GMDS: variants seen among roughly 807,000 people sequenced by gnomAD.
GMDS encodes the protein GDP-mannose 4,6-dehydratase.
In GMDS, 20 loss-of-function variants were observed where a neutral mutation model predicts 49.9. That is an observed-to-expected ratio of 0.40 (90% CI 0.28 to 0.58). The LOEUF (loss-of-function observed/expected upper bound fraction) is 0.58, where lower values mean the gene tolerates loss of function less well. Among genes scored for constraint, GMDS ranks in the 20% least tolerant of loss-of-function variants. The pLI is 0.42. For synonymous variants in GMDS, 177 were observed against 178.6 expected (o/e 0.99, Z 0.07); for missense variants, 362 against 481.4 (o/e 0.75, Z 2.32).
chr6:2,051,095 C>T (rs1183562832), intron 4 of GMDS, among the ~76,000 whole-genome samples: 1 of 152,066 alleles, frequency 6.6e-6, no homozygotes, highest in Admixed American at 6.6e-5. Flanking sequence ...TACCCTAGAA[C>T]TTAAAATACA....
chr6:1,889,406 A>G (rs1020708039), intron 7 of GMDS, among the ~76,000 whole-genome samples: 13 of 152,026 alleles, frequency 8.6e-5, no homozygotes, highest in Non-Finnish European at 7.4e-5. Context: ...TTGGTCCTTA[A>G]AAAAAGAGCC....
chr6:2,222,371 T>G (rs141482470), intron 1 of GMDS, among the ~76,000 whole-genome samples: 154 of 152,364 alleles, frequency 1.0e-3, no homozygotes, highest in African/African-American at 3.4e-3. Context: ...CCAAAACCTC[T>G]GCTTTCTCCC....
At position 1,741,927 on chromosome 6, in the gene GMDS, C is replaced by CT. The variant is rs111296284; in HGVS notation, c.890+540dup. On this transcript the variant is annotated intron_variant, in intron 8 of 10. Transcript: ENST00000380815. Reference sequence around the variant, plus strand: ...AATAAATGAAAGTAAAAACATCTTTCTTTTTTTTTTTTGAGATGGAGTCTT... The same window carrying CT: ...AATAAATGAAAGTAAAAACATCTTTCTTTTTTTTTTTTTGAGATGGAGTCTT... Among the ~76,000 whole-genome samples, 100 of 143,030 alleles carry CT rather than the reference C, an allele frequency of 7.0e-4. 2 individuals carry two copies. Among genetic ancestry groups the CT allele is most frequent in the African/African-American group, 1.6e-3 (63 of 39,020 alleles). The allele number at this position is 143,030 out of a possible 152,430, so 93.8% of individuals were successfully genotyped here. A position where few individuals can be genotyped will look rare whatever the true frequency, so the allele number is the denominator to read the frequency against.
At chr6:1,686,522 T>C (rs547963036) in intron 9 of GMDS, among the ~76,000 whole-genome samples, 5 of 152,372 alleles carry the variant, frequency 3.3e-5, no homozygotes, top group African/African-American at 1.2e-4. Context: ...CGCATCTTTC[T>C]CTGTGTCCAC....
intron 5 of GMDS, among the ~76,000 whole-genome samples, chr6:1,960,274 T>TG (rs1399470886): frequency 6.6e-6 from 1 of 152,166 alleles, no homozygotes; most frequent in Non-Finnish European, 1.5e-5. Flanking sequence ...GGAATTAGAA[T>TG]GGAAAAAAAT....
At chr6:1,762,360 C>G (rs934372951) in intron 7 of GMDS, among the ~76,000 whole-genome samples, 1 of 152,234 alleles carries the variant, frequency 6.6e-6, no homozygotes, top group South Asian at 2.1e-4. Context: ...GGGTTACTCA[C>G]GACGAAACTT....
At chr6:2,164,981 G>C (rs1330813222) in intron 1 of GMDS, among the ~76,000 whole-genome samples, 2 of 152,158 alleles carry the variant, frequency 1.3e-5, no homozygotes, top group Admixed American at 6.5e-5. Context: ...TTAAGTGGTT[G>C]GTTAGGAGTA....
chr6:1,903,483 A>C (rs1160054014), intron 7 of GMDS, among the ~76,000 whole-genome samples: 3 of 152,040 alleles, frequency 2.0e-5, no homozygotes, highest in Non-Finnish European at 2.9e-5. Flanking sequence ...CTTTCTGTGA[A>C]TAAAAATATC....
chr6:2,076,373 T>C (rs1385105593), intron 4 of GMDS, among the ~76,000 whole-genome samples: 2 of 151,746 alleles, frequency 1.3e-5, no homozygotes, highest in Admixed American at 6.6e-5. Context: ...CCCATCAAGC[T>C]ACCAATGACT....
At chr6:1,821,864 A>G (rs1289208894) in intron 7 of GMDS, among the ~76,000 whole-genome samples, 1 of 151,944 alleles carries the variant, frequency 6.6e-6, no homozygotes, top group Non-Finnish European at 1.5e-5. Flanking sequence ...AGGGGACGCC[A>G]ATTCTGCATG....
chr6:2,162,422 T>C (rs147834375), intron 1 of GMDS, among the ~76,000 whole-genome samples: 180 of 152,208 alleles, frequency 1.2e-3, no homozygotes, highest in African/African-American at 2.5e-3. Context: ...AATCAAATAA[T>C]AGACATCTGT....
At chr6:2,193,533 T>C (rs1300103058) in intron 1 of GMDS, among the ~76,000 whole-genome samples, 1 of 152,186 alleles carries the variant, frequency 6.6e-6, no homozygotes, top group African/African-American at 2.4e-5. Context: ...ATGCAAGTTC[T>C]CCTGGCAAAC....
chr6:2,147,865 C>T (rs574765552), intron 1 of GMDS, among the ~76,000 whole-genome samples: 7 of 149,334 alleles, frequency 4.7e-5, no homozygotes, highest in South Asian at 2.2e-4. Flanking sequence ...AATTCCACAA[C>T]GTAGAAACTA....
At position 1,652,706 on chromosome 6, in the gene GMDS, A is replaced by AATATAT. The variant is rs1554104254; in HGVS notation, c.988-28167_988-28166insATATAT. ...TATTTATATATAATATATTATATAT[A>AATATAT]TATATATATATATAGAGAGAGAGAG... On this transcript the variant is annotated intron_variant, in intron 9 of 10. Coordinates refer to ENST00000380815, the MANE Select transcript of GMDS (RefSeq NM_001500.4). 3.2e-4 allele frequency among the ~76,000 whole-genome samples: 5 copies of AATATAT among 15,836 alleles called. 1 individual carries two copies. The highest frequency in any genetic ancestry group is 5.3e-4 in the Non-Finnish European group (4 of 7,522). The allele number at this position is 15,836 out of a possible 152,430, so 10.4% of individuals were successfully genotyped here.
intron 6 of GMDS, among the ~76,000 whole-genome samples, chr6:1,937,047 C>T (rs1367348857): frequency 2.0e-5 from 3 of 151,940 alleles, no homozygotes; most frequent in African/African-American, 7.2e-5. Context: ...TTTTACTTTA[C>T]CTTTTCTATG....
chr6:1,971,568 A>G (rs888007013), intron 4 of GMDS, among the ~76,000 whole-genome samples: 1 of 152,192 alleles, frequency 6.6e-6, no homozygotes, highest in Admixed American at 6.5e-5. Context: ...AAAGTAGACT[A>G]AGGGCTCTCA....
At chr6:1,644,006 C>T (rs866832003) in intron 9 of GMDS, among the ~76,000 whole-genome samples, 4 of 152,118 alleles carry the variant, frequency 2.6e-5, no homozygotes, top group East Asian at 1.9e-4. Flanking sequence ...ACCCAGCCCC[C>T]GTTGTCCCCA....
chr6:2,042,678 T>C (rs1417274849), intron 4 of GMDS, among the ~76,000 whole-genome samples: 1 of 152,216 alleles, frequency 6.6e-6, no homozygotes, highest in Non-Finnish European at 1.5e-5. Context: ...CCAGACAATT[T>C]TGATGTATGT....
At chr6:1,874,819 CAGAT>C (rs1758951060) in intron 7 of GMDS, among the ~76,000 whole-genome samples, 2 of 152,104 alleles carry the variant, frequency 1.3e-5, no homozygotes, top group Admixed American at 6.5e-5. Flanking sequence ...CTCTAGAAAA[CAGAT>C]GACCAAAAAG....
Sources: allele counts gnomAD v4.1 joint callset (sites outside exome capture counted in the v4.1 genomes callset), GRCh38; gene constraint gnomAD v4.1.1; transcripts MANE v1.5; gene names NCBI Gene and HGNC (gene_info 2026-07-23, HGNC 2026-07-21).